CTNNA3: variants seen among roughly 807,000 people sequenced by gnomAD.
The protein encoded by CTNNA3 is catenin alpha 3, also known as catenin alpha-3.
In CTNNA3, 76 loss-of-function variants were observed where a neutral mutation model predicts 95.7. The observed-to-expected ratio is 0.79, with a 90% CI of 0.66 to 0.96. The LOEUF (loss-of-function observed/expected upper bound fraction) is 0.96, where lower values mean the gene tolerates loss of function less well. CTNNA3 is among the 40% of genes least tolerant of loss of function. The pLI is 0.00. For synonymous variants in CTNNA3, 431 were observed against 374.4 expected (o/e 1.15, Z -1.74); for missense variants, 1,191 against 1,089.8 (o/e 1.09, Z -1.31).
chr10:66,176,402 A>C (rs1274920818), intron 13 of CTNNA3, among the ~76,000 whole-genome samples: 1 of 152,138 alleles, frequency 6.6e-6, no homozygotes, highest in Non-Finnish European at 1.5e-5. Context: ...GGAAACTGCA[A>C]ATAGTTTCTT....
chr10:67,619,494 ACC>A (rs1181948196), intron 2 of CTNNA3, among the ~76,000 whole-genome samples: 8 of 152,202 alleles, frequency 5.3e-5, no homozygotes, highest in African/African-American at 1.9e-4. Flanking sequence ...TAAATGTAAG[ACC>A]AAAAATTATG....
At chr10:66,530,925 C>T (rs1841443935) in intron 10 of CTNNA3, among the ~76,000 whole-genome samples, 2 of 151,964 alleles carry the variant, frequency 1.3e-5, no homozygotes, top group Non-Finnish European at 2.9e-5. Context: ...AAGTATATGC[C>T]AGTATAAATT....
At chr10:66,974,737 GTTTTAT>G (rs1255920989) in intron 7 of CTNNA3, among the ~76,000 whole-genome samples, 2 of 150,594 alleles carry the variant, frequency 1.3e-5, no homozygotes, top group African/African-American at 2.4e-5. Context: ...TCTCATTGTG[GTTTTAT>G]TTTTAATTTC....
chr10:67,536,373 G>A (rs753790519), intron 4 of CTNNA3, among the ~76,000 whole-genome samples: 7 of 152,138 alleles, frequency 4.6e-5, no homozygotes, highest in Non-Finnish European at 1.5e-5. Flanking sequence ...CCAACAATTA[G>A]AAGTGTCCAA....
At chr10:67,045,485 A>G (rs1854674188) in intron 7 of CTNNA3, among the ~76,000 whole-genome samples, 1 of 152,142 alleles carries the variant, frequency 6.6e-6, no homozygotes, top group Non-Finnish European at 1.5e-5. Flanking sequence ...CTGACTTTCA[A>G]TAGATCGCGG....
intron 5 of CTNNA3, among the ~76,000 whole-genome samples, chr10:67,504,451 A>AAAAAAAAAAAAAAAAC (rs1564699349): frequency 7.0e-6 from 1 of 143,614 alleles, no homozygotes; most frequent in Non-Finnish European, 1.5e-5. Flanking sequence ...AAAAAAAAAA[A>AAAAAAAAAAAAAAAAC]AAAAAAAAAC....
At chr10:66,139,924 A>C (rs763361358) in intron 13 of CTNNA3, among the ~76,000 whole-genome samples, 44 of 152,306 alleles carry the variant, frequency 2.9e-4, no homozygotes, top group Middle Eastern at 6.8e-3. Flanking sequence ...TTGTAAAGGG[A>C]CTAGGAGGAT....
At chr10:66,121,191 A>G (rs1000573995) in intron 13 of CTNNA3, among the ~76,000 whole-genome samples, 4 of 152,214 alleles carry the variant, frequency 2.6e-5, no homozygotes, top group Admixed American at 1.3e-4. Context: ...AAGCTCAAGC[A>G]TAGAAATTAA....
At chr10:67,582,063 G>GTTCTGCTCTGATCTTAGT (rs1842422770) in intron 3 of CTNNA3, among the ~76,000 whole-genome samples, 1 of 149,706 alleles carries the variant, frequency 6.7e-6, no homozygotes, top group African/African-American at 2.5e-5. Flanking sequence ...ATTTCCTTCA[G>GTTCTGCTCTGATCTTAGT]TTCTGCTCTG....
At chr10:66,160,032 T>G (rs993319725) in intron 13 of CTNNA3, among the ~76,000 whole-genome samples, 1 of 152,136 alleles carries the variant, frequency 6.6e-6, no homozygotes, top group Non-Finnish European at 1.5e-5. Flanking sequence ...TGTCTCCTCT[T>G]TCATTTCTCA....
Position 67,504,091 on chromosome 10 carries a change from A to G in CTNNA3, c.579+17751T>C, listed in dbSNP as rs546998010. On this transcript the variant is annotated intron_variant, in intron 5 of 17. Transcript: ENST00000433211. ...AGAATGGTGTGAACCCAGAAGGTGG[A>G]GCTTGCAGTGAGCCGAGATCACGCC... Among the ~76,000 whole-genome samples the G allele has an allele frequency of 4.5e-3, 684 of 150,946 alleles. 10 individuals are homozygous for G. Among genetic ancestry groups the G allele is most frequent in the African/African-American group, 0.016 (654 of 40,950 alleles).
At chr10:65,969,861 C>G (rs1014667354) in intron 16 of CTNNA3, among the ~76,000 whole-genome samples, 1 of 151,876 alleles carries the variant, frequency 6.6e-6, no homozygotes, top group Non-Finnish European at 1.5e-5. Context: ...AGTGATAAAT[C>G]AAGAAAATGT....
intron 7 of CTNNA3, among the ~76,000 whole-genome samples, chr10:66,791,436 C>T (rs1840964818): frequency 6.6e-6 from 1 of 152,176 alleles, no homozygotes; most frequent in Non-Finnish European, 1.5e-5. Context: ...AATTATTTTC[C>T]CATTCTTTAC....
intron 1 of CTNNA3, among the ~76,000 whole-genome samples, chr10:67,757,846 T>C (rs1263053550): frequency 6.6e-6 from 1 of 152,208 alleles, no homozygotes; most frequent in Non-Finnish European, 1.5e-5. Flanking sequence ...TAAACTCTCT[T>C]TAATATATAC....
chr10:66,717,516 G>A (rs1370069123), intron 9 of CTNNA3, among the ~76,000 whole-genome samples: 1 of 152,050 alleles, frequency 6.6e-6, no homozygotes, highest in Non-Finnish European at 1.5e-5. Flanking sequence ...GGAAATAAAC[G>A]TTCAATACAT....
chr10:66,043,134 GAAAAA>G (rs60278132), intron 15 of CTNNA3, among the ~76,000 whole-genome samples: 53 of 102,934 alleles, frequency 5.1e-4, no homozygotes, highest in Admixed American at 1.5e-3. Context: ...TCCGGGTAAT[GAAAAA>G]AAAAAAAAAA....
chr10:66,272,637 A>G (rs1265059678), intron 13 of CTNNA3, among the ~76,000 whole-genome samples: 1 of 121,068 alleles, frequency 8.3e-6, no homozygotes, highest in Non-Finnish European at 1.6e-5. Context: ...TTATTCTCCA[A>G]ATTGGGCACT....
intron 2 of CTNNA3, among the ~76,000 whole-genome samples, chr10:67,641,241 A>C (rs923719431): frequency 1.2e-4 from 19 of 152,238 alleles, no homozygotes; most frequent in African/African-American, 3.9e-4. Context: ...ATGCAGCCAA[A>C]AGACACATGA....
At chr10:66,034,049 A>T (rs371000270) in intron 15 of CTNNA3, among the ~76,000 whole-genome samples, 19 of 136,334 alleles carry the variant, frequency 1.4e-4, no homozygotes, top group African/African-American at 4.8e-4. Flanking sequence ...TACTTAAATG[A>T]GTTAAGAAAA....
Sources: allele counts gnomAD v4.1 joint callset (sites outside exome capture counted in the v4.1 genomes callset), GRCh38; gene constraint gnomAD v4.1.1; transcripts MANE v1.5; gene names NCBI Gene and HGNC (gene_info 2026-07-23, HGNC 2026-07-21).